Variants in CFAP45 observed in about 807,000 individuals in gnomAD.
CFAP45 encodes cilia and flagella associated protein 45.
Under a neutral mutation model 75.6 loss-of-function variants are expected in CFAP45, and 43 were observed. The ratio of observed to expected loss-of-function variants is 0.57; its 90% CI spans 0.45 to 0.73. The LOEUF (loss-of-function observed/expected upper bound fraction) is 0.73, where lower values mean the gene tolerates loss of function less well. CFAP45 is among the 30% of genes least tolerant of loss of function. The pLI is 0.00. For missense variants in CFAP45, 689 were observed against 701.5 expected (o/e 0.98, Z 0.20); for synonymous variants, 223 against 244.6 (o/e 0.91, Z 0.82).
intron 10 of CFAP45, 48 bp from the exon 11 acceptor site, chr1:159,873,216 G>T: frequency 1.9e-6 from 3 of 1,551,050 alleles, no homozygotes; most frequent in South Asian, 1.1e-5. Flanking sequence ...AGCTGGCCCA[G>T]GCCAGGAAAG....
chr1:159,891,117 G>T (rs1649820433), intron 2 of CFAP45, among the ~76,000 whole-genome samples: 1 of 152,156 alleles, frequency 6.6e-6, no homozygotes, highest in Non-Finnish European at 1.5e-5. Context: ...CTCGCAGAAT[G>T]GTAGGGATAA....
Position 159,876,676 on chromosome 1 carries a change from C to T in CFAP45, c.1232G>A (p.Arg411Gln), listed in dbSNP as rs377248471. 14 of 1,614,064 alleles carry T rather than the reference C, an allele frequency of 8.7e-6. No individual in the cohort carries two copies. The highest frequency in any genetic ancestry group is 2.2e-5 in the South Asian group (2 of 91,086). The part of the protein sequence containing the change: ...EWRRKEKENA[R>Q]KKMETEAELR... ...CTCAGCCTCTGTTTCCATCTTCTTC[C>T]GCGCATTTTCCTTTTCCTTTCTGCG... Residue 411 changes from arginine to glutamine, a missense_variant, in exon 10 of 12, where the codon CGG becomes CAG. Arg to Gln is a conservative substitution (Grantham distance 43). Transcript: ENST00000368099.
In CFAP45 at chr1:159,887,698, A is replaced by G. The variant is rs558514487; in HGVS notation, c.588+143T>C. 7.1e-5 allele frequency: 58 copies of G among 815,768 alleles called. No individual in the cohort carries two copies. In the African/African-American group the frequency reaches 8.2e-4, roughly 12 times the overall value. The allele number at this position is 815,768 out of a possible 1,614,324, so 50.5% of individuals were successfully genotyped here. A position where few individuals can be genotyped will look rare whatever the true frequency, so the allele number is the denominator to read the frequency against. On this transcript the variant is annotated intron_variant, in intron 5 of 11. Transcript: ENST00000368099. The stretch of plus-strand genomic sequence containing the variant: ...GCCAGTCCTCACTGTGATCACTGCA[A>G]CTACCACAGCAGGTGCAGCTCTCCC...
chr1:159,874,000 C>T (rs904108694), intron 10 of CFAP45, among the ~76,000 whole-genome samples: 1 of 151,562 alleles, frequency 6.6e-6, no homozygotes, highest in Non-Finnish European at 1.5e-5. Context: ...TCGCTCAGTT[C>T]TCTTCCTGAT....
At position 159,899,910 on chromosome 1, in the gene CFAP45, C is replaced by T. The variant is rs1650035268; in HGVS notation, c.3+186G>A. On this transcript the variant is annotated intron_variant, in intron 1 of 11. Transcript: ENST00000368099. ...TCCACATTTCCAATCGTTATCGATG[C>T]TATCCCTAATTCCTCTTTTGAACCC... 9 of 604,022 alleles carry T rather than the reference C, an allele frequency of 1.5e-5. No homozygotes were observed. The South Asian group carries it at 1.7e-4, about 12-fold the overall frequency. The allele number at this position is 604,022 out of a possible 1,614,324, so 37.4% of individuals were successfully genotyped here.
chr1:159,884,222 A>C (rs1324669213), intron 7 of CFAP45, among the ~76,000 whole-genome samples: 2 of 151,686 alleles, frequency 1.3e-5, no homozygotes, highest in African/African-American at 4.9e-5. Flanking sequence ...CCTTGGAAGG[A>C]AGGGACAATA....
chr1:159,880,425 A>G (rs1649522650), intron 8 of CFAP45, 129 bp downstream of exon 8: 1 of 805,884 alleles, frequency 1.2e-6, no homozygotes, highest in Non-Finnish European at 2.0e-6. Context: ...AGGCCCTTGA[A>G]CTAAGGATGT....
chr1:159,883,327 T>C (rs1008631748), intron 7 of CFAP45, among the ~76,000 whole-genome samples: 2 of 151,382 alleles, frequency 1.3e-5, no homozygotes, highest in African/African-American at 2.5e-5. Context: ...GGAACTCTTC[T>C]AGATCAAAAC....
In CFAP45 at chr1:159,876,582, G is replaced by A. The variant is rs77150830; in HGVS notation, c.1326C>T (p.Asp442=). ...EHALAVQVQR[D]RDEFERILRA... is the part of the protein sequence containing the mutation. ...GAAGAATCCTCTCGAACTCATCCCG[G>A]TCCCGTTGCACCTGAACAGCCAGAG... Residue 442 remains aspartate (D), a synonymous_variant, in exon 10 of 12, where the codon GAC becomes GAT. Transcript: ENST00000368099. 7.1e-3 allele frequency: 11,390 copies of A among 1,613,984 alleles called. 49 individuals are homozygous for A. The highest frequency in any genetic ancestry group is 7.6e-3 in the Non-Finnish European group (8,915 of 1,179,900).
In CFAP45 at chr1:159,886,517, C is replaced by A. The variant is rs747617357; in HGVS notation, c.761G>T (p.Arg254Ile). Residue 254 changes from arginine (R) to isoleucine (I), a missense_variant, in exon 6 of 12, where the codon AGA becomes ATA. Physicochemically the swap from Arg to Ile is moderately conservative, Grantham distance 97. Transcript: ENST00000368099. ...GCCAAAACCACATCTTTACCTAATT[C>A]TTTCCTCCCTCCTCTTCCTCTCCAG... ...EELERKRREE[R>I]IRGRRQIVEQ... The A allele has an allele frequency of 5.5e-5, 89 of 1,613,810 alleles. No homozygotes were observed. The highest frequency in any genetic ancestry group is 8.5e-6 in the Non-Finnish European group (10 of 1,179,822).
chr1:159,889,204 G>T (rs1014625246), intron 3 of CFAP45, among the ~76,000 whole-genome samples: 9 of 149,290 alleles, frequency 6.0e-5, no homozygotes, highest in African/African-American at 2.2e-4. Flanking sequence ...GCTATCCAAC[G>T]CATTCAACAA....
At chr1:159,878,570 T>C (rs531060223) in intron 8 of CFAP45, among the ~76,000 whole-genome samples, 1 of 151,320 alleles carries the variant, frequency 6.6e-6, no homozygotes, top group Non-Finnish European at 1.5e-5. Flanking sequence ...CAGGCCAACA[T>C]GGTGAAACAG....
Position 159,887,898 on chromosome 1 carries a change from C to T in CFAP45, c.531G>A (p.Leu177=). Residue 177 remains leucine (L), a synonymous_variant, in exon 5 of 12, where the codon CTG becomes CTA. Transcript: ENST00000368099. ...EVAKERAQNL[L]QRANKLRMEQ... is the part of the protein sequence containing the mutation. ...CCATCCGCAGCTTGTTGGCTCTCTG[C>T]AGGAGGTTCTGGGCCCGTTCCTTGG... 1 of 1,614,260 alleles carries T rather than the reference C, an allele frequency of 6.2e-7. No individual in the cohort carries two copies. The highest frequency in any genetic ancestry group is 1.1e-5 in the South Asian group (1 of 91,092).
rs1462908667 is a variant in CFAP45, at chr1:159,888,389, C to T, written c.380G>A (p.Arg127Lys). 6.2e-7 allele frequency: 1 copy of T among 1,614,178 alleles called. No homozygotes were observed. The highest frequency in any genetic ancestry group is 8.5e-7 in the Non-Finnish European group (1 of 1,180,018). Residue 127 changes from arginine (R) to lysine (K), a missense_variant, in exon 4 of 12, where the codon AGG (arginine) becomes AAG (lysine). Transcript: ENST00000368099. ...CTTCTCCTTCTTGAAGGCCTGGTCC[C>T]TGGCCTCAAGTTCTTCTCTGGTCAG... ...HVLTREELEA[R>K]DQAFKKEKEA... is the part of the protein sequence containing the mutation.
At chr1:159,883,623 AATATATATAT>A (rs59275156) in intron 7 of CFAP45, among the ~76,000 whole-genome samples, 88 of 72,126 alleles carry the variant, frequency 1.2e-3, no homozygotes, top group African/African-American at 2.1e-3. Flanking sequence ...TTAACAATAA[AATATATATAT>A]ATATATATAT....
At chr1:159,893,634 G>A (rs74124751) in intron 1 of CFAP45, among the ~76,000 whole-genome samples, 6,538 of 152,218 alleles carry the variant, frequency 0.043, 308 homozygotes, top group African/African-American at 0.12. Context: ...GGGAGAGGTT[G>A]GTCAGTGAGT....
Position 159,876,656 on chromosome 1 carries a change from CCT to C in CFAP45, c.1250_1251del (p.Glu417GlyfsTer2), listed in dbSNP as rs761181059. The C allele has an allele frequency of 3.1e-6, 5 of 1,614,188 alleles. No homozygotes were observed. The highest frequency in any genetic ancestry group is 3.4e-6 in the Non-Finnish European group (4 of 1,180,028). On this transcript the variant is annotated frameshift_variant, in exon 10 of 12. Coordinates refer to ENST00000368099, the MANE Select transcript of CFAP45 (RefSeq NM_012337.3). LOFTEE classifies it high-confidence loss of function. ...TCGAGCCGACTTTTTCGCAGCTCAG[CCT>C]CTGTTTCCATCTTCTTCCGCGCATT... ...KENARKKMET[E>X]AELRKSRLEQ...
intron 11 of CFAP45, 81 bp downstream of exon 11, chr1:159,872,863 A>C (rs551113978): frequency 1.4e-4 from 200 of 1,402,880 alleles, no homozygotes; most frequent in Non-Finnish European, 1.9e-4. Flanking sequence ...TTCACCCCCA[A>C]ATCCCCATGC....
At position 159,887,899 on chromosome 1, in the gene CFAP45, A is replaced by T. The variant is rs763774044; in HGVS notation, c.530T>A (p.Leu177Gln). ...CATCCGCAGCTTGTTGGCTCTCTGCAGGAGGTTCTGGGCCCGTTCCTTGGC... is the reference window on the plus strand; with the variant it reads ...CATCCGCAGCTTGTTGGCTCTCTGCTGGAGGTTCTGGGCCCGTTCCTTGGC... ...EVAKERAQNL[L>Q]QRANKLRMEQ... Residue 177 changes from leucine (L) to glutamine (Q), a missense_variant, in exon 5 of 12, where the codon CTG (leucine) becomes CAG (glutamine). Leu to Gln is a moderately radical substitution (Grantham distance 113, BLOSUM62 -2). Coordinates refer to ENST00000368099, the MANE Select transcript of CFAP45 (RefSeq NM_012337.3). The T allele has an allele frequency of 6.2e-7, 1 of 1,614,120 alleles. No individual in the cohort carries two copies. The highest frequency in any genetic ancestry group is 8.5e-7 in the Non-Finnish European group (1 of 1,180,040).
Sources: gnomAD v4.1 joint callset for allele counts (sites outside exome capture counted in the v4.1 genomes callset) on GRCh38, gnomAD v4.1.1 for gene constraint, MANE v1.5 for transcripts, NCBI Gene and HGNC (gene_info 2026-07-23, HGNC 2026-07-21) for gene names.